Variants in LIN28B observed in about 807,000 individuals in gnomAD.
LIN28B encodes the protein lin-28 RNA binding posttranscriptional regulator B, also known as protein lin-28 homolog B.
A neutral mutation model predicts 21.9 loss-of-function variants in LIN28B; 5 were observed. The observed-to-expected ratio is 0.23, with a 90% CI of 0.12 to 0.48. LIN28B has a LOEUF of 0.48. LIN28B is among the 20% of genes least tolerant of loss of function. The probability of loss-of-function intolerance (pLI) is 0.98; values close to 1 mark genes in which losing one functional copy is unlikely to be tolerated. For synonymous variants in LIN28B, 109 were observed against 111.3 expected, an observed-to-expected ratio of 0.98 and a Z score of 0.13; for missense variants, 245 against 310.5, an observed-to-expected ratio of 0.79 and a Z score of 1.58.
chr6:105,013,792 T>C (rs1339829969), intron 2 of LIN28B, among the ~76,000 whole-genome samples: 1 of 152,212 alleles, frequency 6.6e-6, no homozygotes, highest in Non-Finnish European at 1.5e-5. Flanking sequence ...ATCTGATCTA[T>C]TTTTTAAGCG....
intron 2 of LIN28B, among the ~76,000 whole-genome samples, chr6:104,989,795 T>C (rs1193586746): frequency 6.6e-6 from 1 of 152,000 alleles, no homozygotes; most frequent in African/African-American, 2.4e-5. Flanking sequence ...TTTCACCATG[T>C]TGGCCTGGCT....
At chr6:104,980,167 A>C (rs1770189945) in intron 2 of LIN28B, among the ~76,000 whole-genome samples, 1 of 152,218 alleles carries the variant, frequency 6.6e-6, no homozygotes, top group Admixed American at 6.5e-5. Flanking sequence ...AAAATTCCGT[A>C]ATGTAGTTTT....
At chr6:104,959,873 TTGTC>T (rs1187392758) in intron 2 of LIN28B, among the ~76,000 whole-genome samples, 4 of 152,210 alleles carry the variant, frequency 2.6e-5, no homozygotes, top group Admixed American at 1.3e-4. Flanking sequence ...TAACCCTTCT[TTGTC>T]TGGTCACGCC....
chr6:104,946,692 T>C (rs112572419), intron 2 of LIN28B, among the ~76,000 whole-genome samples: 2,766 of 152,284 alleles, frequency 0.018, 87 homozygotes, highest in African/African-American at 0.064. Flanking sequence ...TTAAAACGTT[T>C]TCTCTTGCTA....
intron 2 of LIN28B, among the ~76,000 whole-genome samples, chr6:104,973,878 T>C (rs1157832136): frequency 6.6e-6 from 1 of 152,228 alleles, no homozygotes; most frequent in East Asian, 1.9e-4. Flanking sequence ...TTTTCCAACA[T>C]TGAAGAAGAA....
At chr6:105,016,068 G>A (rs1347195921) in intron 2 of LIN28B, among the ~76,000 whole-genome samples, 3 of 152,062 alleles carry the variant, frequency 2.0e-5, no homozygotes, top group Non-Finnish European at 4.4e-5. Flanking sequence ...TACCATAGAA[G>A]TATAGATTTG....
chr6:105,007,859 G>A (rs1004610496), intron 2 of LIN28B, among the ~76,000 whole-genome samples: 8 of 152,234 alleles, frequency 5.3e-5, no homozygotes, highest in African/African-American at 1.9e-4. Context: ...GCCCAGGCTG[G>A]TCTCTAACTC....
chr6:104,972,921 G>A (rs1770007649), intron 2 of LIN28B, among the ~76,000 whole-genome samples: 1 of 152,000 alleles, frequency 6.6e-6, no homozygotes, highest in African/African-American at 2.4e-5. Context: ...GACCTGCCTG[G>A]CCAACATGGC....
intron 3 of LIN28B, among the ~76,000 whole-genome samples, chr6:105,037,430 A>G (rs1771541120): frequency 6.6e-6 from 1 of 152,088 alleles, no homozygotes. Context: ...TTAAAATAAC[A>G]GATTAAGAGC....
At chr6:104,999,815 G>A (rs992470883) in intron 2 of LIN28B, among the ~76,000 whole-genome samples, 1 of 152,046 alleles carries the variant, frequency 6.6e-6, no homozygotes, top group Non-Finnish European at 1.5e-5. Context: ...GGAGTAGCTG[G>A]GACTACAGGC....
At chr6:104,992,002 AAGAGGG>A (rs1291430026) in intron 2 of LIN28B, among the ~76,000 whole-genome samples, 2 of 148,612 alleles carry the variant, frequency 1.3e-5, no homozygotes, top group Non-Finnish European at 1.5e-5. Flanking sequence ...AGACCGTGGA[AAGAGGG>A]AGGGGGAGGG....
At chr6:104,941,574 G>A (rs1236139343) in intron 2 of LIN28B, 1 of 150,786 alleles carries the variant, frequency 6.6e-6, no homozygotes, top group Non-Finnish European at 1.5e-5. Flanking sequence ...GCACGGGGCC[G>A]CGCCGCCAGA....
chr6:105,017,072 C>CAAAAAAAAAAAAAAAAAAAAAAAAA (rs56179020), intron 2 of LIN28B, among the ~76,000 whole-genome samples: 2 of 86,064 alleles, frequency 2.3e-5, no homozygotes, highest in African/African-American at 4.5e-5. Flanking sequence ...GACTCTGTCT[C>CAAAAAAAAAAAAAAAAAAAAAAAAA]AAAAAAAAAA....
At chr6:105,025,255 A>G (rs527558950) in intron 2 of LIN28B, among the ~76,000 whole-genome samples, 3 of 152,308 alleles carry the variant, frequency 2.0e-5, no homozygotes, top group African/African-American at 7.2e-5. Flanking sequence ...TAAAAACTAC[A>G]TGATATTCTA....
chr6:105,029,504 C>T (rs1260493350), intron 3 of LIN28B, among the ~76,000 whole-genome samples: 7 of 151,462 alleles, frequency 4.6e-5, no homozygotes, highest in Admixed American at 1.3e-4. Context: ...TAGGATAAGG[C>T]GAGATTTCTC....
At chr6:105,075,382 A>G (rs1466869654) in intron 3 of LIN28B, among the ~76,000 whole-genome samples, 2 of 152,154 alleles carry the variant, frequency 1.3e-5, no homozygotes, top group African/African-American at 2.4e-5. Context: ...GAACATTTCT[A>G]TTTTGGTGTC....
intron 2 of LIN28B, among the ~76,000 whole-genome samples, chr6:104,992,483 G>GT (rs1397547855): frequency 1.6e-4 from 18 of 114,630 alleles, no homozygotes; most frequent in Non-Finnish European, 3.0e-4. Flanking sequence ...TTAAGTTTCT[G>GT]TTGTGTGTGT....
chr6:104,957,749 CTT>C (rs1778311543), intron 1 of LIN28B, among the ~76,000 whole-genome samples: 1 of 152,056 alleles, frequency 6.6e-6, no homozygotes, highest in African/African-American at 2.4e-5. Context: ...GAAAATTTCT[CTT>C]TGTCAATGGG....
intron 2 of LIN28B, among the ~76,000 whole-genome samples, chr6:104,989,266 G>C (rs1193764621): frequency 6.6e-6 from 1 of 152,002 alleles, no homozygotes. Context: ...CTCTCTGTCA[G>C]AGTAGGGCAG....
Sources: gnomAD v4.1 joint callset for allele counts (sites outside exome capture counted in the v4.1 genomes callset) on GRCh38, gnomAD v4.1.1 for gene constraint, MANE v1.5 for transcripts, NCBI Gene and HGNC (gene_info 2026-07-23, HGNC 2026-07-21) for gene names.